KLHL1: variants seen among roughly 807,000 people sequenced by gnomAD.
KLHL1 encodes kelch like family member 1.
A neutral mutation model predicts 77.7 loss-of-function variants in KLHL1; 47 were observed. That is an observed-to-expected ratio of 0.60 (90% confidence interval 0.48 to 0.77). The LOEUF (loss-of-function observed/expected upper bound fraction) is 0.77. Among genes scored for constraint, KLHL1 ranks in the 30% least tolerant of loss-of-function variants. KLHL1 has a pLI of 0.00. For missense variants in KLHL1, 925 were observed against 910.8 expected (o/e 1.02, Z -0.20); for synonymous variants, 360 against 325.2 (o/e 1.11, Z -1.15).
intron 5 of KLHL1, among the ~76,000 whole-genome samples, chr13:69,860,203 G>T (rs909929059): frequency 1.3e-5 from 2 of 152,048 alleles, no homozygotes; most frequent in African/African-American, 4.8e-5. Context: ...TACAATTGAA[G>T]ATATGGAGTG....
intron 1 of KLHL1, among the ~76,000 whole-genome samples, chr13:70,104,033 T>A (rs1887988725): frequency 6.6e-6 from 1 of 152,164 alleles, no homozygotes; most frequent in Non-Finnish European, 1.5e-5. Context: ...ACATGACATG[T>A]CTTCTCCCAC....
At position 69,979,168 on chromosome 13, in the gene KLHL1, C is replaced by CAA. The variant is rs11433328; in HGVS notation, c.498-3368_498-3367dup. On this transcript the variant is annotated intron_variant, in intron 1 of 10. Coordinates refer to ENST00000377844, the MANE Select transcript of KLHL1 (RefSeq NM_020866.3). The stretch of plus-strand genomic sequence containing the variant: ...AAAACAGAAAATTAGATAAGAGGCT[C>CAA]AAAAAAAAAATAAATAAGTTCCAGT... 9.8e-3 allele frequency among the ~76,000 whole-genome samples: 1,378 copies of CAA among 141,128 alleles called. 19 individuals are homozygous for CAA. The highest frequency in any genetic ancestry group is 0.029 in the African/African-American group (1,147 of 39,824). The allele number at this position is 141,128 out of a possible 152,430, so 92.6% of individuals were successfully genotyped here. A position where few individuals can be genotyped will look rare whatever the true frequency, so the allele number is the denominator to read the frequency against.
intron 8 of KLHL1, among the ~76,000 whole-genome samples, chr13:69,723,803 G>A (rs755784344): frequency 5.9e-5 from 9 of 151,326 alleles, no homozygotes; most frequent in Middle Eastern, 3.4e-3. Context: ...CATTCCTTTC[G>A]GCTGATAATA....
At chr13:69,731,983 A>AAAAGACTTTAAAGATGATAT (rs1470772506) in intron 8 of KLHL1, among the ~76,000 whole-genome samples, 1 of 152,154 alleles carries the variant, frequency 6.6e-6, no homozygotes, top group East Asian at 1.9e-4. Flanking sequence ...AAAGATGATA[A>AAAAGACTTTAAAGATGATAT]AAAGACTTTA....
chr13:69,882,998 G>C (rs1393541878), intron 4 of KLHL1, among the ~76,000 whole-genome samples: 1 of 152,068 alleles, frequency 6.6e-6, no homozygotes, highest in Non-Finnish European at 1.5e-5. Context: ...GTTCCATCCT[G>C]CTATTATCTC....
intron 9 of KLHL1, among the ~76,000 whole-genome samples, chr13:69,715,186 T>C (rs942250288): frequency 8.5e-5 from 13 of 152,192 alleles, no homozygotes; most frequent in African/African-American, 3.1e-4. Context: ...TAGGTTAGCA[T>C]AGAATCCTTG....
rs147267623 is a variant in KLHL1, at chr13:69,724,087, G to A, written c.1803-4506C>T. ...CCTGATCTTGTGATCCATCTGCCTC[G>A]GCCTCCCAAAGTGCTGGGATTACAG... On this transcript the variant is annotated intron_variant, in intron 8 of 10. Transcript: ENST00000377844. 3.3e-3 allele frequency among the ~76,000 whole-genome samples: 500 copies of A among 151,994 alleles called. 5 individuals carry two copies. Among genetic ancestry groups the A allele is most frequent in the African/African-American group, 0.011 (472 of 41,490 alleles).
chr13:69,704,779 T>C (rs530893103), intron 10 of KLHL1, among the ~76,000 whole-genome samples: 12 of 151,768 alleles, frequency 7.9e-5, no homozygotes, highest in Non-Finnish European at 1.5e-4. Flanking sequence ...CCAGGGGTTG[T>C]ACCTTTCAGC....
intron 7 of KLHL1, among the ~76,000 whole-genome samples, chr13:69,749,917 G>A (rs1047084095): frequency 6.6e-6 from 1 of 151,630 alleles, no homozygotes; most frequent in African/African-American, 2.4e-5. Context: ...AATAAAAAAG[G>A]GTTTTAATTA....
In KLHL1 at chr13:69,752,031, G is replaced by T. The variant is rs371664611; in HGVS notation, c.1640-11475C>A. Among the ~76,000 whole-genome samples, 9 of 152,204 alleles carry T rather than the reference G, an allele frequency of 5.9e-5. No homozygotes were observed. The East Asian group carries it at 9.7e-4, about 16-fold the overall frequency. On this transcript the variant is annotated intron_variant, in intron 7 of 10. Transcript: ENST00000377844. ...TCATTATTTAGCTTCTTGTGCCTCA[G>T]TTTCTTATCTGCACAATGGAGTAGC...
At chr13:69,961,933 A>G (rs897083526) in intron 2 of KLHL1, among the ~76,000 whole-genome samples, 1 of 152,012 alleles carries the variant, frequency 6.6e-6, no homozygotes, top group African/African-American at 2.4e-5. Context: ...AAATTTAACT[A>G]TTAGTAACAT....
At chr13:69,980,642 T>C (rs1266298552) in intron 1 of KLHL1, among the ~76,000 whole-genome samples, 1 of 152,178 alleles carries the variant, frequency 6.6e-6, no homozygotes, top group Non-Finnish European at 1.5e-5. Context: ...TATCGCTACC[T>C]TCAGAAAGCC....
intron 8 of KLHL1, among the ~76,000 whole-genome samples, chr13:69,733,615 A>C: frequency 6.6e-6 from 1 of 152,354 alleles, no homozygotes; most frequent in South Asian, 2.1e-4. Context: ...AAGATGTTTG[A>C]TCACATCAGT....
Position 69,707,648 on chromosome 13 carries a change from G to T in KLHL1, c.2164C>A (p.Pro722Thr), listed in dbSNP as rs771017725. 1.2e-6 allele frequency: 2 copies of T among 1,611,800 alleles called. No individual in the cohort carries two copies. The highest frequency in any genetic ancestry group is 2.2e-5 in the East Asian group (1 of 44,808). Reference sequence around the variant, plus strand: ...ACCTGTGTCCACTCATTAGTTTGTGGGTCATAGGATTCCATAGTGTTGAGG... The same window carrying T: ...ACCTGTGTCCACTCATTAGTTTGTGTGTCATAGGATTCCATAGTGTTGAGG... ...TYLNTMESYD[P>T]QTNEWTQMAS... Residue 722 changes from proline (P) to threonine (T), a missense_variant, in exon 10 of 11, where the codon CCA becomes ACA. Coordinates refer to ENST00000377844, the MANE Select transcript of KLHL1 (RefSeq NM_020866.3).
rs758401997 is a variant in KLHL1, at chr13:70,107,335, A to C, written c.365T>G (p.Val122Gly). The change falls in exon 1 of 11, where the codon GTG becomes GGG. Residue 122 changes from valine to glycine, a missense_variant. Physicochemically the swap from Val to Gly is moderately radical, Grantham distance 109. Coordinates refer to ENST00000377844, the MANE Select transcript of KLHL1 (RefSeq NM_020866.3). Reference protein sequence around the residue: ...TQQPARTLFYVESLEEEVVPG... With the variant: ...TQQPARTLFYGESLEEEVVPG... The stretch of plus-strand genomic sequence containing the variant: ...CACCACCTCCTCCTCTAGTGACTCC[A>C]CGTAGAAGAGAGTCCTGGCTGGCTG... 5.6e-6 allele frequency: 9 copies of C among 1,613,978 alleles called. No homozygotes were observed. In the East Asian group the frequency reaches 1.8e-4, roughly 32 times the overall value.
intron 7 of KLHL1, among the ~76,000 whole-genome samples, chr13:69,742,420 G>C (rs1356750533): frequency 6.6e-6 from 1 of 152,046 alleles, no homozygotes; most frequent in African/African-American, 2.4e-5. Context: ...ATGAAGAATT[G>C]TCTCCCAAAA....
At chr13:69,910,220 T>TC (rs1395046879) in intron 4 of KLHL1, among the ~76,000 whole-genome samples, 1 of 151,976 alleles carries the variant, frequency 6.6e-6, no homozygotes, top group Non-Finnish European at 1.5e-5. Context: ...ATCCATGACA[T>TC]CATTATATAA....
chr13:69,866,427 C>A lies in KLHL1; in HGVS notation c.1227+15856G>T, dbSNP rs150712429. On this transcript the variant is annotated intron_variant, in intron 5 of 10. Coordinates refer to ENST00000377844, the MANE Select transcript of KLHL1 (RefSeq NM_020866.3). ...AGGATCATTTACTCTAAATGAAAAC[C>A]CATTACTTATTAAGCTTTACCATTA... is the stretch of plus-strand genomic sequence containing the variant. Among the ~76,000 whole-genome samples, 13 of 152,020 alleles carry A rather than the reference C, an allele frequency of 8.6e-5. 1 individual carries two copies. The East Asian group carries it at 2.5e-3, about 29-fold the overall frequency.
intron 1 of KLHL1, among the ~76,000 whole-genome samples, chr13:70,084,775 G>T (rs941679389): frequency 6.6e-6 from 1 of 150,928 alleles, no homozygotes; most frequent in East Asian, 1.9e-4. Context: ...GCGCCGGGCC[G>T]TCTATTTCAT....
Sources: gnomAD v4.1 joint callset for allele counts (sites outside exome capture counted in the v4.1 genomes callset) on GRCh38, gnomAD v4.1.1 for gene constraint, MANE v1.5 for transcripts, NCBI Gene and HGNC (gene_info 2026-07-23, HGNC 2026-07-21) for gene names.